Variants in ZNF765 observed in about 807,000 individuals in gnomAD.
ZNF765 encodes the protein zinc finger protein 765.
In ZNF765, 37 loss-of-function variants were observed where a neutral mutation model predicts 44.7. That is an observed-to-expected ratio of 0.83 (90% CI 0.64 to 1.09). The LOEUF (loss-of-function observed/expected upper bound fraction) is 1.09. Ranked by LOEUF, ZNF765 falls within the 50% of genes least tolerant of loss-of-function variation. ZNF765 has a pLI of 0.00. For missense variants in ZNF765, 594 were observed against 626.1 expected, an observed-to-expected ratio of 0.95 and a Z score of 0.55; for synonymous variants, 201 against 213.7, an observed-to-expected ratio of 0.94 and a Z score of 0.52.
chr19:53,405,282 G>A (rs1363976313), intron 3 of ZNF765, among the ~76,000 whole-genome samples: 1 of 152,140 alleles, frequency 6.6e-6, no homozygotes, highest in African/African-American at 2.4e-5. Context: ...AACCTGGGAG[G>A]TGGAGGTTGC....
intron 3 of ZNF765, among the ~76,000 whole-genome samples, chr19:53,407,390 T>G (rs1259986253): frequency 6.6e-6 from 1 of 152,230 alleles, no homozygotes; most frequent in Non-Finnish European, 1.5e-5. Flanking sequence ...GACAGTGATA[T>G]GTTTTTTACA....
downstream of ZNF765, among the ~76,000 whole-genome samples, chr19:53,416,872 C>G (rs1272189907): frequency 6.6e-6 from 1 of 151,138 alleles, no homozygotes; most frequent in Admixed American, 6.6e-5. Context: ...GGCTGGGGAG[C>G]AGTGTTGTGA....
chr19:53,408,161 CA>C lies in ZNF765; in HGVS notation c.607del (p.Thr203HisfsTer8). 1 of 1,613,932 alleles carries C rather than the reference CA, an allele frequency of 6.2e-7. No homozygotes were observed. Among genetic ancestry groups the C allele is most frequent in the South Asian group, 1.1e-5 (1 of 91,060 alleles). On this transcript the variant is annotated frameshift_variant, in exon 4 of 4. Coordinates refer to ENST00000396408, the MANE Select transcript of ZNF765 (RefSeq NM_001040185.3). LOFTEE classifies it high-confidence loss of function. ...GNNFLNSSLFTQKQEVHMREK... is the reference protein window; with the variant it reads ...GNNFLNSSLFXQKQEVHMREK... ...ATAATTTCCTGAATTCTTCATTATT[CA>C]CACAAAAACAGGAAGTACATATGAG...
intron 2 of ZNF765, among the ~76,000 whole-genome samples, chr19:53,400,226 C>T (rs184016634): frequency 1.3e-5 from 2 of 152,234 alleles, no homozygotes; most frequent in African/African-American, 2.4e-5. Context: ...GATATTTGAT[C>T]CTGCTGGTTG....
chr19:53,401,050 T>G (rs1330223137), intron 2 of ZNF765, among the ~76,000 whole-genome samples: 1 of 150,564 alleles, frequency 6.6e-6, no homozygotes, highest in Non-Finnish European at 1.5e-5. Flanking sequence ...GCCCAGACTG[T>G]AGTGCAGTGG....
exon 4 of ZNF765, chr19:53,426,759 T>G (rs1425600961): frequency 6.6e-6 from 1 of 151,866 alleles, no homozygotes. Flanking sequence ...TGGAACAGTT[T>G]AATCCTGAAA....
At chr19:53,398,209 A>T (rs1304676310) in intron 2 of ZNF765, among the ~76,000 whole-genome samples, 179 bp downstream of exon 2, 1 of 152,172 alleles carries the variant, frequency 6.6e-6, no homozygotes, top group Non-Finnish European at 1.5e-5. Context: ...ATCCAGTGAC[A>T]TGAACTTGGG....
rs2147098641 is a variant in ZNF765 at position 53,408,935 on chromosome 19, T to C, written c.1380T>C (p.His460=). 6.2e-7 allele frequency: 1 copy of C among 1,613,838 alleles called. No individual in the cohort carries two copies. Among genetic ancestry groups the C allele is most frequent in the African/African-American group, 1.3e-5 (1 of 74,956 alleles). The change falls in exon 4 of 4, where the codon CAT becomes CAC. Residue 460 remains histidine (H), a synonymous_variant. Transcript: ENST00000396408. ...KSNLEIHQKI[H]TEENPYKCNE... Reference sequence around the variant, plus strand: ...ACCTTGAAATACATCAGAAAATTCATACTGAAGAGAATCCTTACAAGTGTA... The same window carrying C: ...ACCTTGAAATACATCAGAAAATTCACACTGAAGAGAATCCTTACAAGTGTA...
At chr19:53,413,251 G>A (rs937682025), downstream of ZNF765, 28 of 594,828 alleles carry the variant, frequency 4.7e-5, no homozygotes, top group South Asian at 1.2e-4. Flanking sequence ...AAGCAAAACC[G>A]TTCCATTCCC....
At chr19:53,419,073 C>G (rs2085892422) in intron 3 of ZNF765, among the ~76,000 whole-genome samples, 1 of 152,068 alleles carries the variant, frequency 6.6e-6, no homozygotes, top group Admixed American at 6.6e-5. Flanking sequence ...AGACCCTATA[C>G]CAGTCCCTGA....
At chr19:53,426,193 G>A (rs3761113) in exon 4 of ZNF765, 37,613 of 153,138 alleles carry the variant, frequency 0.25, 4,930 homozygotes, top group East Asian at 0.49. Context: ...CTGCACCATG[G>A]TGCACAGAGG....
At chr19:53,413,077 T>G (rs1196389034), downstream of ZNF765, 1 of 363,774 alleles carries the variant, frequency 2.7e-6, no homozygotes, top group Non-Finnish European at 5.3e-6. Flanking sequence ...GCCATTGCAC[T>G]CCAGCCTGCG....
rs372160556 is a variant in ZNF765, at chr19:53,407,888, A to C, written c.333A>C (p.Ala111=). The C allele has an allele frequency of 5.6e-6, 9 of 1,613,718 alleles. No individual in the cohort carries two copies. Among genetic ancestry groups the C allele is most frequent in the Non-Finnish European group, 7.6e-6 (9 of 1,179,886 alleles). ...WQEDERNGHE[A]LMTKIKKLTG... ...AAGATGAAAGAAATGGCCATGAAGC[A>C]CTCATGACAAAAATCAAAAAGTTGA... The change falls in exon 4 of 4, where the codon GCA becomes GCC. Residue 111 remains alanine, a synonymous_variant. Coordinates refer to ENST00000396408, the MANE Select transcript of ZNF765 (RefSeq NM_001040185.3).
At position 53,408,521 on chromosome 19, in the gene ZNF765, T is replaced by C. The variant is rs561282127; in HGVS notation, c.966T>C (p.Thr322=). ...SKLQIHRRIH[T]GEKPYKCNEC... ...TTCAAATACATAGGAGAATTCATAC[T>C]GGAGAGAAACCGTACAAGTGTAATG... Residue 322 remains threonine, a synonymous_variant, in exon 4 of 4, where the codon ACT becomes ACC. Transcript: ENST00000396408. 5 of 1,612,146 alleles carry C rather than the reference T, an allele frequency of 3.1e-6. No individual in the cohort carries two copies. The highest frequency in any genetic ancestry group is 1.7e-5 in the Admixed American group (1 of 59,978).
downstream of ZNF765, among the ~76,000 whole-genome samples, chr19:53,414,485 A>C (rs1600064191): frequency 7.8e-3 from 12 of 1,548 alleles, no homozygotes; most frequent in African/African-American, 0.019. Flanking sequence ...ACACACACAC[A>C]CACACCCCCC....
At position 53,409,499 on chromosome 19, in the gene ZNF765, C is replaced by T. The variant is rs1317939403; in HGVS notation, c.*372C>T. 3.1e-6 allele frequency: 3 copies of T among 975,780 alleles called. No individual in the cohort carries two copies. The highest frequency in any genetic ancestry group is 1.7e-5 in the Admixed American group (1 of 57,780). 60.4% of individuals were successfully genotyped at this position (975,780 alleles called of 1,614,324 possible). A position where few individuals can be genotyped will look rare whatever the true frequency, so the allele number is the denominator to read the frequency against. ...ACCTTCAGCCAGACCTCATCCCTTA[C>T]ATGCCATTGTAGACTTCGTACTGGA... is the stretch of plus-strand genomic sequence containing the variant. On this transcript the variant is annotated 3_prime_UTR_variant, in exon 4 of 4. Transcript: ENST00000396408.
Position 53,410,770 on chromosome 19 carries a change from T to C in ZNF765, c.*1643T>C, listed in dbSNP as rs1214379381. 2.3e-6 allele frequency: 1 copy of C among 443,350 alleles called. No homozygotes were observed. Among genetic ancestry groups the C allele is most frequent in the Non-Finnish European group, 4.6e-6 (1 of 216,070 alleles). The allele number at this position is 443,350 out of a possible 1,614,324, so 27.5% of individuals were successfully genotyped here. Reference sequence around the variant, plus strand: ...AGAGAAACCTTACAAATGTCATGATTGTGACAAGGTCTCAGTCAAGCTTCA... The same window carrying C: ...AGAGAAACCTTACAAATGTCATGATCGTGACAAGGTCTCAGTCAAGCTTCA... On this transcript the variant is annotated 3_prime_UTR_variant, in exon 4 of 4. Transcript: ENST00000396408.
intron 1 of ZNF765, among the ~76,000 whole-genome samples, 154 bp downstream of exon 1, chr19:53,395,347 C>T (rs575830920): frequency 6.6e-6 from 1 of 152,230 alleles, no homozygotes; most frequent in African/African-American, 2.4e-5. Flanking sequence ...CCGGGGGTCG[C>T]TTCCTTTTGG....
Position 53,408,641 on chromosome 19 carries a change from G to A in ZNF765, c.1086G>A (p.Lys362=). 1.9e-6 allele frequency: 3 copies of A among 1,613,718 alleles called. No homozygotes were observed. The highest frequency in any genetic ancestry group is 2.5e-6 in the Non-Finnish European group (3 of 1,179,884). Reference sequence around the variant, plus strand: ...CTTACAAGTGTAATGAGTGTGGCAAGACCTTTAGTCGGAAGTCACATTTTA... The same window carrying A: ...CTTACAAGTGTAATGAGTGTGGCAAAACCTTTAGTCGGAAGTCACATTTTA... The part of the protein sequence containing the change: ...EKPYKCNECG[K]TFSRKSHFTC... The change falls in exon 4 of 4, where the codon AAG becomes AAA. Residue 362 remains lysine (K), a synonymous_variant. Coordinates refer to ENST00000396408, the MANE Select transcript of ZNF765 (RefSeq NM_001040185.3).
Sources: gnomAD v4.1 joint callset for allele counts (sites outside exome capture counted in the v4.1 genomes callset) on GRCh38, gnomAD v4.1.1 for gene constraint, MANE v1.5 for transcripts, NCBI Gene and HGNC (gene_info 2026-07-23, HGNC 2026-07-21) for gene names.